The following SPTB variants were observed in gnomAD, a reference collection of about 807,000 sequenced individuals.
SPTB encodes the protein spectrin beta, erythrocytic, also known as spectrin beta chain, erythrocytic.
In SPTB, 45 loss-of-function variants were observed where a neutral mutation model predicts 256.2. That is an observed-to-expected ratio of 0.18 (90% CI 0.14 to 0.23). The LOEUF (loss-of-function observed/expected upper bound fraction) is 0.23, where lower values mean the gene tolerates loss of function less well. Ranked by LOEUF, SPTB falls within the 10% of genes least tolerant of loss-of-function variation. SPTB has a pLI of 1.00. For synonymous variants in SPTB, 1,231 were observed against 1,243.1 expected, an observed-to-expected ratio of 0.99 and a Z score of 0.21; for missense variants, 2,715 against 3,040.4, an observed-to-expected ratio of 0.89 and a Z score of 2.52.
intron 2 of SPTB, among the ~76,000 whole-genome samples, chr14:64,815,584 G>T (rs1371004824): frequency 6.6e-6 from 1 of 152,230 alleles, no homozygotes; most frequent in African/African-American, 2.4e-5. Flanking sequence ...GGTGGTGGCT[G>T]CATAGAGAGA....
intron 2 of SPTB, among the ~76,000 whole-genome samples, chr14:64,822,385 CACACACACACACACACAG>C: frequency 7.0e-6 from 1 of 142,662 alleles, no homozygotes; most frequent in East Asian, 2.1e-4. Context: ...CACACACACA[CACACACACACACACACAG>C]AGAGATCTAT....
intron 1 of SPTB, among the ~76,000 whole-genome samples, chr14:64,872,851 T>C (rs1486648853): frequency 6.6e-6 from 1 of 152,228 alleles, no homozygotes; most frequent in Non-Finnish European, 1.5e-5. Context: ...GCAGTTCCCC[T>C]GAACATGCGC....
In SPTB at chr14:64,772,794, G is replaced by T; in HGVS notation, c.5339C>A (p.Ala1780Glu). Reference protein sequence around the residue: ...EWKDGLNEMWADLLELIDTRM... With the variant: ...EWKDGLNEMWEDLLELIDTRM... ...CGTGTCAATGAGCTCCAGGAGGTCTGCCCACATCTCGTTCAGCCCGTCCTT... is the reference window on the plus strand; with the variant it reads ...CGTGTCAATGAGCTCCAGGAGGTCTTCCCACATCTCGTTCAGCCCGTCCTT... Residue 1780 changes from alanine (A) to glutamate (E), a missense_variant, in exon 26 of 36, where the codon GCA (alanine) becomes GAA (glutamate). By Grantham distance (107) the Ala-to-Glu change is moderately radical. This residue lies in a region of SPTB where 2,239 missense variants were observed against 2,384.4 expected (regional missense o/e 0.94). Transcript: ENST00000644917. The surrounding 1 kb of genome is among the most constrained non-coding windows in gnomAD (Gnocchi z 5.4). 6.2e-7 allele frequency: 1 copy of T among 1,613,970 alleles called. No individual in the cohort carries two copies. The highest frequency in any genetic ancestry group is 8.5e-7 in the Non-Finnish European group (1 of 1,180,040).
At chr14:64,811,730 T>C (rs982570573) in intron 2 of SPTB, among the ~76,000 whole-genome samples, 15 of 152,250 alleles carry the variant, frequency 9.9e-5, no homozygotes, top group African/African-American at 2.9e-4. Context: ...TTTACCAGTT[T>C]GTAATTTTCC....
Position 64,786,565 on chromosome 14 carries a change from G to A in SPTB, c.3400C>T (p.Pro1134Ser). The A allele has an allele frequency of 6.2e-7, 1 of 1,614,152 alleles. No homozygotes were observed. ...CGCTGGCCCAGAAGCAGATACTCTG[G>A]GTCCGTCTGGCCTTGGATCACTTTC... ...GEKVIQGQTD[P>S]EYLLLGQRLE... Residue 1134 changes from proline (P) to serine (S), a missense_variant, in exon 16 of 36, where the codon CCA becomes TCA. Pro to Ser is a moderately conservative substitution (Grantham distance 74). Around this residue, in one of 4 missense-constraint regions of SPTB, gnomAD observed 2,239 missense variants for 2,384.4 expected, o/e 0.94. Coordinates refer to ENST00000644917, the MANE Select transcript of SPTB (RefSeq NM_001355436.2). This position sits in a 1 kb window ranked among gnomAD's most constrained non-coding sequence, Gnocchi z 5.6.
At chr14:64,765,878 G>A (rs1180610556) in intron 32 of SPTB, among the ~76,000 whole-genome samples, 1 of 147,108 alleles carries the variant, frequency 6.8e-6, no homozygotes, top group African/African-American at 2.5e-5. Flanking sequence ...TGTGTGTGGA[G>A]GTTGCGGTGT....
rs893078301 is a variant in SPTB at position 64,841,625 on chromosome 14, C to T, written c.-51-18480G>A. 5.9e-5 allele frequency among the ~76,000 whole-genome samples: 9 copies of T among 152,004 alleles called. No homozygotes were observed. In the East Asian group the frequency reaches 7.7e-4, roughly 13 times the overall value. On this transcript the variant is annotated intron_variant, in intron 1 of 35. Coordinates refer to ENST00000644917, the MANE Select transcript of SPTB (RefSeq NM_001355436.2). This position sits in a 1 kb window ranked among gnomAD's most constrained non-coding sequence, Gnocchi z 4.6. ...TTGCCAAGCACTTTTTCCCCCAAAT[C>T]GACACAGACATGGAGAAGATAGGAA...
At chr14:64,871,776 C>A (rs546619623) in intron 1 of SPTB, among the ~76,000 whole-genome samples, 1 of 152,224 alleles carries the variant, frequency 6.6e-6, no homozygotes, top group Non-Finnish European at 1.5e-5. Context: ...TCATTGTATA[C>A]CCTTGTATAA....
intron 24 of SPTB, 33 bp from the exon 25 acceptor site, chr14:64,773,457 C>T (rs911003): frequency 2.1e-5 from 33 of 1,608,928 alleles, no homozygotes; most frequent in African/African-American, 5.3e-5. Flanking sequence ...CCCTCAGAGA[C>T]GGCAGCCACG....
chr14:64,797,497 A>T lies in SPTB; in HGVS notation c.1182+232T>A, dbSNP rs1566768642. ...AAAAAAAAAAAAAAAAAAAAAAAAA[A>T]AAAAAGGACTCAGGGATGCAGGGCA... On this transcript the variant is annotated intron_variant, in intron 10 of 35. Transcript: ENST00000644917. Among the ~76,000 whole-genome samples, 5 of 140,182 alleles carry T rather than the reference A, an allele frequency of 3.6e-5. No homozygotes were observed. In the South Asian group the frequency reaches 7.0e-4, roughly 20 times the overall value. The allele number at this position is 140,182 out of a possible 152,430, so 92.0% of individuals were successfully genotyped here.
intron 1 of SPTB, among the ~76,000 whole-genome samples, chr14:64,835,475 A>G (rs934329080): frequency 2.0e-5 from 3 of 152,030 alleles, no homozygotes; most frequent in Non-Finnish European, 4.4e-5. Flanking sequence ...CGAACTCCTG[A>G]CCTCAGATGA....
chr14:64,814,118 A>T (rs961907620), intron 2 of SPTB, among the ~76,000 whole-genome samples: 8 of 152,240 alleles, frequency 5.3e-5, no homozygotes, highest in Non-Finnish European at 1.0e-4. Flanking sequence ...TTAAAATGCA[A>T]ATGCAAGAAT....
At position 64,777,163 on chromosome 14, in the gene SPTB, G is replaced by A. The variant is rs753684956; in HGVS notation, c.4564-1760C>T. On this transcript the variant is annotated intron_variant, in intron 22 of 35. Coordinates refer to ENST00000644917, the MANE Select transcript of SPTB (RefSeq NM_001355436.2). The surrounding 1 kb of genome is among the most constrained non-coding windows in gnomAD (Gnocchi z 4.5). ...GAGGGAGGCAACCACACAGAGATCT[G>A]GGGTTGAGTGTTCCTGGCAAGAGGA... 4.6e-5 allele frequency among the ~76,000 whole-genome samples: 7 copies of A among 152,218 alleles called. No individual in the cohort carries two copies. The highest frequency in any genetic ancestry group is 8.8e-5 in the Non-Finnish European group (6 of 68,042).
intron 1 of SPTB, among the ~76,000 whole-genome samples, chr14:64,870,208 AC>A (rs541122754): frequency 1.1e-4 from 16 of 152,290 alleles, no homozygotes; most frequent in Middle Eastern, 3.4e-3. Context: ...AGGCAAGGTT[AC>A]AAAGAGAAGG....
intron 1 of SPTB, among the ~76,000 whole-genome samples, chr14:64,872,499 A>G (rs942444298): frequency 8.5e-5 from 13 of 152,132 alleles, no homozygotes; most frequent in Admixed American, 3.9e-4. Flanking sequence ...GTGGCTTCCT[A>G]TGACACTTGG....
At chr14:64,818,836 T>C (rs2083238341) in intron 2 of SPTB, among the ~76,000 whole-genome samples, 1 of 152,152 alleles carries the variant, frequency 6.6e-6, no homozygotes, top group Admixed American at 6.5e-5. Context: ...TTTGGAAGGA[T>C]AGGAACTTGG....
At chr14:64,771,173 C>G in intron 26 of SPTB, 44 bp from the exon 27 acceptor site, 1 of 1,609,658 alleles carries the variant, frequency 6.2e-7, no homozygotes, top group Non-Finnish European at 8.5e-7. Flanking sequence ...GACATTGCTC[C>G]CTAGGTGCTG....
rs1215716326 is a variant in SPTB at position 64,793,551 on chromosome 14, A to G, written c.2112T>C (p.Val704=). 6 of 1,614,062 alleles carry G rather than the reference A, an allele frequency of 3.7e-6. No individual in the cohort carries two copies. The highest frequency in any genetic ancestry group is 5.1e-6 in the Non-Finnish European group (6 of 1,180,044). ...EQIFQEAHGM[V]ARKQFGHPQI... The stretch of plus-strand genomic sequence containing the variant: ...GCGGGTGCCCAAACTGCTTGCGCGC[A>G]ACCATGCCATGAGCCTCCTGGAAGA... Residue 704 remains valine, a synonymous_variant, in exon 14 of 36, where the codon GTT becomes GTC. Transcript: ENST00000644917. This position sits in a 1 kb window ranked among gnomAD's most constrained non-coding sequence, Gnocchi z 7.0.
At chr14:64,859,768 T>C (rs2083934701) in intron 1 of SPTB, among the ~76,000 whole-genome samples, 1 of 152,110 alleles carries the variant, frequency 6.6e-6, no homozygotes, top group African/African-American at 2.4e-5. Context: ...TAAAAGAATA[T>C]GGAGGAATAT....
Sources: gnomAD v4.1 joint callset for allele counts (sites outside exome capture counted in the v4.1 genomes callset) on GRCh38, gnomAD v4.1.1 for gene constraint, gnomAD v4.1.1 regional missense constraint, Gnocchi (gnomAD v3.1) non-coding constraint, MANE v1.5 for transcripts, NCBI Gene and HGNC (gene_info 2026-07-23, HGNC 2026-07-21) for gene names.